The following SERPINB12 variants were observed in gnomAD, a reference collection of about 807,000 sequenced individuals.
SERPINB12 encodes the protein serpin family B member 12.
A neutral mutation model predicts 41.1 loss-of-function variants in SERPINB12; 57 were observed. The observed-to-expected ratio is 1.39, with a 90% CI of 1.12 to 1.73. SERPINB12 has a LOEUF of 1.73. Ranked by LOEUF, SERPINB12 falls within the 40% of genes most tolerant of loss-of-function variation. SERPINB12 has a pLI of 0.00. For missense variants in SERPINB12, 536 were observed against 501.9 expected, an observed-to-expected ratio of 1.07 and a Z score of -0.65; for synonymous variants, 180 against 181.3, an observed-to-expected ratio of 0.99 and a Z score of 0.06.
intron 6 of SERPINB12, among the ~76,000 whole-genome samples, chr18:63,564,577 A>G (rs1195821720): frequency 6.6e-6 from 1 of 152,220 alleles, no homozygotes; most frequent in African/African-American, 2.4e-5. Context: ...AGCACCAAAT[A>G]TCCCCATCTG....
At chr18:63,526,428 A>C in the SERPINB12 span, among the ~76,000 whole-genome samples, 1 of 152,312 alleles carries the variant, frequency 6.6e-6, no homozygotes, top group East Asian at 1.9e-4. Context: ...CCACCTCAGC[A>C]TCCTGAGTAG....
Position 63,558,427 on chromosome 18 carries a change from G to C in SERPINB12, c.244G>C (p.Val82Leu), listed in dbSNP as rs201266049. Residue 82 changes from valine to leucine, a missense_variant, in exon 3 of 8, where the codon GTG (valine) becomes CTG (leucine). Coordinates refer to ENST00000382768, the MANE Select transcript of SERPINB12 (RefSeq NM_001307928.2). ...DPCLKSNKQK[V>L]LADSSLEGQK... is the part of the protein sequence containing the mutation. ...TTGTCTGAAAAGCAACAAACAAAAAGTGCTGGCTGACAGCTCTCTGGAGGG... is the reference window on the plus strand; with the variant it reads ...TTGTCTGAAAAGCAACAAACAAAAACTGCTGGCTGACAGCTCTCTGGAGGG... The C allele has an allele frequency of 1.2e-6, 2 of 1,613,848 alleles. No homozygotes were observed. The highest frequency in any genetic ancestry group is 2.2e-5 in the South Asian group (2 of 91,060).
intron 1 of SERPINB12, among the ~76,000 whole-genome samples, chr18:63,549,621 T>G (rs1910474397): frequency 6.6e-6 from 1 of 152,032 alleles, no homozygotes; most frequent in Admixed American, 6.6e-5. Context: ...TTTGAGTAAT[T>G]TTTCAGTCTA....
chr18:63,536,937 A>G, the SERPINB12 span, among the ~76,000 whole-genome samples: 1 of 152,086 alleles, frequency 6.6e-6, no homozygotes, highest in Non-Finnish European at 1.5e-5. Context: ...TATTTAGGGG[A>G]AACAATTTAT....
intron 1 of SERPINB12, among the ~76,000 whole-genome samples, chr18:63,554,063 A>G (rs1910599701): frequency 1.4e-5 from 2 of 142,478 alleles, no homozygotes; most frequent in Non-Finnish European, 3.0e-5. Flanking sequence ...CCCAGATGCA[A>G]GATAAGAACT....
At chr18:63,521,223 G>T in the SERPINB12 span, among the ~76,000 whole-genome samples, 1 of 152,042 alleles carries the variant, frequency 6.6e-6, no homozygotes, top group Non-Finnish European at 1.5e-5. Context: ...GCCTTCTCTG[G>T]CTCCATTTTG....
Position 63,566,732 on chromosome 18 carries a change from T to A in SERPINB12, c.999T>A (p.Ile333=). 1 of 1,614,174 alleles carries A rather than the reference T, an allele frequency of 6.2e-7. No homozygotes were observed. Among genetic ancestry groups the A allele is most frequent in the Non-Finnish European group, 8.5e-7 (1 of 1,180,016 alleles). ...AAGACAGCTATGATCTCAATTCCAT[T>A]TTACAAGACATGGGCATTACGGATA... ...TLEDSYDLNS[I]LQDMGITDIF... is the part of the protein sequence containing the mutation. The change falls in exon 8 of 8, where the codon ATT becomes ATA. Residue 333 remains isoleucine (I), a synonymous_variant. Transcript: ENST00000382768.
intron 5 of SERPINB12, among the ~76,000 whole-genome samples, chr18:63,563,401 C>T (rs915539316): frequency 6.6e-6 from 1 of 152,122 alleles, no homozygotes; most frequent in Non-Finnish European, 1.5e-5. Flanking sequence ...CTGACAAGTT[C>T]CAAACACAAG....
chr18:63,524,768 T>G, the SERPINB12 span, among the ~76,000 whole-genome samples: 1 of 146,586 alleles, frequency 6.8e-6, no homozygotes, highest in Non-Finnish European at 1.5e-5. Flanking sequence ...TTTTTTTTTT[T>G]CGTGACAGTC....
intron 1 of SERPINB12, among the ~76,000 whole-genome samples, chr18:63,548,828 T>C (rs1426907412): frequency 6.6e-6 from 1 of 152,076 alleles, no homozygotes; most frequent in African/African-American, 2.4e-5. Flanking sequence ...GTGATTATGA[T>C]ATAGCAGTTT....
At chr18:63,556,747 GC>G (rs1485976370) in intron 2 of SERPINB12, among the ~76,000 whole-genome samples, 1 of 152,156 alleles carries the variant, frequency 6.6e-6, no homozygotes, top group Non-Finnish European at 1.5e-5. Context: ...TGGCTAGAGA[GC>G]TTGGTGTCCT....
At chr18:63,553,311 C>T (rs775481764) in intron 1 of SERPINB12, among the ~76,000 whole-genome samples, 2 of 152,178 alleles carry the variant, frequency 1.3e-5, no homozygotes, top group Non-Finnish European at 2.9e-5. Flanking sequence ...CTTAGCCTTG[C>T]TTTGCTTCTG....
the SERPINB12 span, among the ~76,000 whole-genome samples, chr18:63,532,759 C>G: frequency 6.6e-6 from 1 of 152,048 alleles, no homozygotes; most frequent in Admixed American, 6.6e-5. Flanking sequence ...TCAGGTGGTA[C>G]TAATTCTGGC....
Position 63,546,244 on chromosome 18 carries a change from T to A in SERPINB12, c.-19+3752T>A, listed in dbSNP as rs145097505. On this transcript the variant is annotated intron_variant, in intron 1 of 7. Coordinates refer to ENST00000382768, the MANE Select transcript of SERPINB12 (RefSeq NM_001307928.2). ...GGTCCTCGTTTGTCCTTAAGACATG[T>A]CAGTTCCTGGAGTTTGACTCTTCCT... Among the ~76,000 whole-genome samples the A allele has an allele frequency of 3.1e-3, 471 of 152,316 alleles. 6 individuals carry two copies. The highest frequency in any genetic ancestry group is 0.011 in the African/African-American group (447 of 41,578).
chr18:63,531,807 G>A, the SERPINB12 span, among the ~76,000 whole-genome samples: 2 of 152,052 alleles, frequency 1.3e-5, no homozygotes, highest in African/African-American at 2.4e-5. Flanking sequence ...TTTCATTTCT[G>A]TGATTTGGGG....
chr18:63,535,901 A>G, the SERPINB12 span, among the ~76,000 whole-genome samples: 1 of 152,072 alleles, frequency 6.6e-6, no homozygotes, highest in Non-Finnish European at 1.5e-5. Flanking sequence ...ATGACTATTG[A>G]TGAATAAGTT....
the SERPINB12 span, among the ~76,000 whole-genome samples, chr18:63,529,774 AAT>A: frequency 2.5e-4 from 37 of 150,624 alleles, no homozygotes; most frequent in East Asian, 3.2e-3. Context: ...CCAATTAAAA[AAT>A]AAAATAATTT....
At position 63,567,160 on chromosome 18, in the gene SERPINB12, G is replaced by C; in HGVS notation, c.*149G>C. The C allele has an allele frequency of 1.3e-6, 1 of 760,878 alleles. No homozygotes were observed. The highest frequency in any genetic ancestry group is 2.0e-6 in the Non-Finnish European group (1 of 491,978). The allele number at this position is 760,878 out of a possible 1,614,324, so 47.1% of individuals were successfully genotyped here. On this transcript the variant is annotated 3_prime_UTR_variant, in exon 8 of 8. Coordinates refer to ENST00000382768, the MANE Select transcript of SERPINB12 (RefSeq NM_001307928.2). ...GGCTTGTGCTTATCTTGATCTTTCT[G>C]TCACCCTGTAGCTTATTTTCATCTG...
intron 1 of SERPINB12, among the ~76,000 whole-genome samples, chr18:63,549,640 A>AC (rs1910474871): frequency 6.6e-6 from 1 of 152,086 alleles, no homozygotes; most frequent in African/African-American, 2.4e-5. Flanking sequence ...TAGAGAAGCA[A>AC]CCCCCATAAA....
Sources: allele counts gnomAD v4.1 joint callset (sites outside exome capture counted in the v4.1 genomes callset), GRCh38; gene constraint gnomAD v4.1.1; transcripts MANE v1.5; gene names NCBI Gene and HGNC (gene_info 2026-07-23, HGNC 2026-07-21).